Variants in DUOX2 observed in about 807,000 individuals in gnomAD.
DUOX2 encodes dual oxidase 2, also known as NADH/NADPH thyroid oxidase p138-tox.
In DUOX2, 185 loss-of-function variants were observed where a neutral mutation model predicts 183.3. That is an observed-to-expected ratio of 1.01 (90% CI 0.90 to 1.14). DUOX2 has a LOEUF of 1.14. DUOX2 is among the 50% of genes most tolerant of loss of function. The pLI is 0.00. For missense variants in DUOX2, 1,999 were observed against 2,022.9 expected (o/e 0.99, Z 0.23); for synonymous variants, 788 against 812.4 (o/e 0.97, Z 0.51).
chr15:45,111,141 G>A lies in DUOX2; in HGVS notation c.852C>T (p.His284=), dbSNP rs1351223532. The change falls in exon 7 of 34, where the codon CAC becomes CAT. Residue 284 remains histidine, a synonymous_variant. Coordinates refer to ENST00000389039, the MANE Select transcript of DUOX2 (RefSeq NM_001363711.2). Reference sequence around the variant, plus strand: ...AGGTGGCGATGACCCTCTTGCGTGCGTGCTGGAACAGCTCCTCGTCCTCCC... The same window carrying A: ...AGGTGGCGATGACCCTCTTGCGTGCATGCTGGAACAGCTCCTCGTCCTCCC... ...PDWEDEELFQ[H]ARKRVIATYQ... The A allele has an allele frequency of 7.8e-7, 1 of 1,286,084 alleles. No individual in the cohort carries two copies. Among genetic ancestry groups the A allele is most frequent in the African/African-American group, 1.6e-5 (1 of 62,818 alleles). The allele number at this position is 1,286,084 out of a possible 1,614,324, so 79.7% of individuals were successfully genotyped here.
chr15:45,099,026 T>G, intron 26 of DUOX2: 1 of 258,678 alleles, frequency 3.9e-6, no homozygotes, highest in Non-Finnish European at 7.6e-6. Flanking sequence ...TTTTTTTTTT[T>G]TTGAGACGGA....
intron 1 of DUOX2, among the ~76,000 whole-genome samples, 171 bp downstream of exon 1, chr15:45,113,802 C>T (rs1330173955): frequency 6.6e-6 from 1 of 152,172 alleles, no homozygotes; most frequent in Non-Finnish European, 1.5e-5. Context: ...CCGTCAGGCT[C>T]CGCTTCTCCT....
intron 9 of DUOX2, 56 bp from the exon 10 acceptor site, chr15:45,110,036 G>A (rs1286362889): frequency 4.6e-6 from 7 of 1,536,802 alleles, no homozygotes; most frequent in South Asian, 1.1e-5. Context: ...TCAAAGATGG[G>A]GTTGAGTGGG....
intron 7 of DUOX2, among the ~76,000 whole-genome samples, 162 bp from the exon 8 acceptor site, chr15:45,110,872 A>C (rs921235401): frequency 6.6e-6 from 1 of 151,818 alleles, no homozygotes; most frequent in Non-Finnish European, 1.5e-5. Context: ...CCCCACAAGG[A>C]ACCAGGGGAT....
At chr15:45,106,793 G>A (rs1474445102) in intron 15 of DUOX2, 39 bp downstream of exon 15, 2 of 1,598,498 alleles carry the variant, frequency 1.3e-6, no homozygotes, top group Non-Finnish European at 1.7e-6. Context: ...GGAAATGAGG[G>A]GCAGGGCCAG....
intron 20 of DUOX2, 126 bp from the exon 21 acceptor site, chr15:45,102,115 G>T: frequency 8.0e-7 from 1 of 1,242,602 alleles, no homozygotes; most frequent in Non-Finnish European, 1.1e-6. Context: ...GCACTGAGAA[G>T]GTGCTCATCC....
rs1450876960 is a variant in DUOX2, at chr15:45,095,811, T to C, written c.4080+17A>G. ...CAGTGCCAGAGGCCCGGAAGCAGGG[T>C]TCCCAGTGACGGGCACCTTTGGGTA... is the stretch of plus-strand genomic sequence containing the variant. On this transcript the variant is annotated intron_variant, in intron 30 of 33. Coordinates refer to ENST00000389039, the MANE Select transcript of DUOX2 (RefSeq NM_001363711.2). 1 of 1,609,124 alleles carries C rather than the reference T, an allele frequency of 6.2e-7. No homozygotes were observed. Among genetic ancestry groups the C allele is most frequent in the Admixed American group, 1.7e-5 (1 of 59,968 alleles).
Position 45,106,539 on chromosome 15 carries a change from T to C in DUOX2, c.1934A>G (p.Asp645Gly), listed in dbSNP as rs1162967451. The change falls in exon 16 of 34, where the codon GAT (aspartate) becomes GGT (glycine). Residue 645 changes from aspartate (D) to glycine (G), a missense_variant. Transcript: ENST00000389039. ...KESVKKEAAK[D>G]GVPAMEWPGP... The stretch of plus-strand genomic sequence containing the variant: ...CAGCCCCTGCTCACCTGGCACTCCA[T>C]CTTTGGCTGCTTCCTTCTTCACGCT... 6 of 1,614,162 alleles carry C rather than the reference T, an allele frequency of 3.7e-6. No homozygotes were observed. Among genetic ancestry groups the C allele is most frequent in the Non-Finnish European group, 4.2e-6 (5 of 1,180,004 alleles).
In DUOX2 at chr15:45,094,707, C is replaced by A; in HGVS notation, c.4396-16G>T. ...CGCAGATGTACTGGGGGCACAGGGGCAGGTCAGACCAAAGACAGTCAGGGC... is the reference window on the plus strand; with the variant it reads ...CGCAGATGTACTGGGGGCACAGGGGAAGGTCAGACCAAAGACAGTCAGGGC... On this transcript the variant is annotated splice_polypyrimidine_tract_variant and intron_variant, in intron 32 of 33. Coordinates refer to ENST00000389039, the MANE Select transcript of DUOX2 (RefSeq NM_001363711.2). The A allele has an allele frequency of 1.9e-6, 3 of 1,613,644 alleles. No individual in the cohort carries two copies. The highest frequency in any genetic ancestry group is 2.5e-6 in the Non-Finnish European group (3 of 1,179,810).
At chr15:45,099,990 A>G (rs1894031730) in intron 24 of DUOX2, 60 bp downstream of exon 24, 2 of 1,612,896 alleles carry the variant, frequency 1.2e-6, no homozygotes, top group Non-Finnish European at 1.7e-6. Context: ...AGGGCTTTCC[A>G]CTCCTCTCCA....
At chr15:45,098,283 T>C (rs942696706) in intron 26 of DUOX2, among the ~76,000 whole-genome samples, 3 of 152,210 alleles carry the variant, frequency 2.0e-5, no homozygotes, top group African/African-American at 7.2e-5. Context: ...TCTCTTACTG[T>C]GGTTGACCCC....
intron 22 of DUOX2, 112 bp from the exon 23 acceptor site, chr15:45,100,950 G>A: frequency 1.3e-6 from 1 of 747,480 alleles, no homozygotes; most frequent in Non-Finnish European, 2.3e-6. Context: ...CAGGCAGGGG[G>A]CAAGGCACAA....
Position 45,113,428 on chromosome 15 carries a change from G to C in DUOX2, c.-14-3C>G. ...ACGGAGCATGCCAACCCTGCAGCCT[G>C]CGGGGTGAGGGTGGGGGTGGTAGGT... On this transcript the variant is annotated splice_polypyrimidine_tract_variant and splice_region_variant and intron_variant, in intron 1 of 33. Transcript: ENST00000389039. 6.4e-7 allele frequency: 1 copy of C among 1,554,868 alleles called. No homozygotes were observed. The highest frequency in any genetic ancestry group is 8.7e-7 in the Non-Finnish European group (1 of 1,148,906).
rs772839042 is a variant in DUOX2 at position 45,111,448 on chromosome 15, G to T, written c.651C>A (p.Asn217Lys). 1.1e-5 allele frequency: 17 copies of T among 1,545,750 alleles called. No homozygotes were observed. The East Asian group carries it at 2.9e-4, about 26-fold the overall frequency. ...PDPAFPRDSQ[N>K]PLLMWAAPDP... ...CGGGCGCCGCCCACATGAGCAGGGG[G>T]TTCTGCGAGTCTCGGGGGAAAGCGG... Residue 217 changes from asparagine to lysine, a missense_variant, in exon 6 of 34, where the codon AAC (asparagine) becomes AAA (lysine). Transcript: ENST00000389039.
Position 45,101,732 on chromosome 15 carries a change from G to A in DUOX2, c.2851+61C>T, listed in dbSNP as rs78256554. The A allele has an allele frequency of 9.7e-3, 15,598 of 1,609,822 alleles. 794 individuals carry two copies. The African/African-American group carries it at 0.13, about 14-fold the overall frequency. On this transcript the variant is annotated intron_variant, in intron 21 of 33. Transcript: ENST00000389039. ...GTAAGACCTGGGTCCTGCCCACCAG[G>A]AACTCTCATTTTGAGGACACGCCCC...
intron 26 of DUOX2, chr15:45,099,067 G>A (rs913992859): frequency 2.2e-5 from 7 of 314,024 alleles, no homozygotes; most frequent in African/African-American, 1.3e-4. Flanking sequence ...CTGGACTGCA[G>A]TGGCGCTATC....
rs780614078 is a variant in DUOX2, at chr15:45,110,447, G to T, written c.1021C>A (p.Pro341Thr). The change falls in exon 9 of 34, where the codon CCC (proline) becomes ACC (threonine). Residue 341 changes from proline to threonine, a missense_variant. By Grantham distance (38) the Pro-to-Thr change is conservative. This residue lies in a region of DUOX2 where 1,628 missense variants were observed against 1,608.6 expected (regional missense o/e 1.01). Coordinates refer to ENST00000389039, the MANE Select transcript of DUOX2 (RefSeq NM_001363711.2). The part of the protein sequence containing the change: ...ASEQFFSTMV[P>T]PGVYMRNASC... ...CCTCACCTCATGTAGACACCAGGGG[G>T]CACCATGGTAGAGAAGAACTGCTCA... The T allele has an allele frequency of 3.7e-6, 6 of 1,613,860 alleles. No homozygotes were observed. The highest frequency in any genetic ancestry group is 2.7e-5 in the African/African-American group (2 of 74,908).
rs186021702 is a variant in DUOX2, at chr15:45,100,055, G to A, written c.3179C>T (p.Ala1060Val). 1.7e-4 allele frequency: 270 copies of A among 1,614,242 alleles called. 1 individual carries two copies. The East Asian group carries it at 6.0e-3, about 36-fold the overall frequency. ...AICVGVFADR[A>V]YYYGFASPPS... ...CCACAGCCTGGAACTCTTACAGTAA[G>A]CACGATCTGCAAACACGCCAACACA... is the stretch of plus-strand genomic sequence containing the variant. Residue 1060 changes from alanine to valine, a missense_variant, in exon 24 of 34, where the codon GCT becomes GTT. By Grantham distance (64) the Ala-to-Val change is moderately conservative (BLOSUM62 0). This residue lies in a region of DUOX2 where 1,628 missense variants were observed against 1,608.6 expected (regional missense o/e 1.01). Coordinates refer to ENST00000389039, the MANE Select transcript of DUOX2 (RefSeq NM_001363711.2).
intron 21 of DUOX2, 123 bp from the exon 22 acceptor site, chr15:45,101,397 C>T (rs960044647): frequency 2.5e-5 from 22 of 869,570 alleles, no homozygotes; most frequent in African/African-American, 2.5e-4. Flanking sequence ...GTCCTGTTTC[C>T]CTCATTCCCT....
Sources: gnomAD v4.1 joint callset for allele counts (sites outside exome capture counted in the v4.1 genomes callset) on GRCh38, gnomAD v4.1.1 for gene constraint, gnomAD v4.1.1 regional missense constraint, MANE v1.5 for transcripts, NCBI Gene and HGNC (gene_info 2026-07-23, HGNC 2026-07-21) for gene names.